FBXL17: variants seen among roughly 807,000 people sequenced by gnomAD.
The protein encoded by FBXL17 is F-box/LRR-repeat protein 17.
FBXL17 carries 22 observed loss-of-function variants against 66.2 expected under a neutral mutation model. The ratio of observed to expected loss-of-function variants is 0.33; its 90% confidence interval spans 0.24 to 0.47. The LOEUF is 0.47. FBXL17 is among the 20% of genes least tolerant of loss of function. The pLI is 1.00. For synonymous variants in FBXL17, 474 were observed against 400.5 expected (o/e 1.18, Z -2.19); for missense variants, 878 against 948.2 (o/e 0.93, Z 0.97).
intron 8 of FBXL17, among the ~76,000 whole-genome samples, chr5:107,876,852 C>A (rs915222728): frequency 3.4e-4 from 52 of 152,130 alleles, no homozygotes; most frequent in African/African-American, 1.2e-3. Flanking sequence ...CGACCAAAGC[C>A]GCTGTTTATA....
intron 7 of FBXL17, among the ~76,000 whole-genome samples, chr5:107,986,628 G>C (rs17160804): frequency 0.088 from 13,380 of 151,600 alleles, 948 homozygotes; most frequent in Admixed American, 0.21. Context: ...ACTTAAAATT[G>C]TAAGGTTAAA....
Position 107,880,597 on chromosome 5 carries a change from T to A in FBXL17, c.1965+440A>T, listed in dbSNP as rs934212714. ...GTCCCGAATGGCCAGAATACATAGA[T>A]GTTCAGTACCAAAATTACACACTTG... On this transcript the variant is annotated intron_variant, in intron 8 of 8. Coordinates refer to ENST00000542267, the MANE Select transcript of FBXL17 (RefSeq NM_001163315.3). 6.7e-5 allele frequency: 72 copies of A among 1,069,828 alleles called. No individual in the cohort carries two copies. In the African/African-American group the frequency reaches 1.1e-3, roughly 16 times the overall value. The allele number at this position is 1,069,828 out of a possible 1,614,324, so 66.3% of individuals were successfully genotyped here.
intron 6 of FBXL17, among the ~76,000 whole-genome samples, chr5:108,172,023 A>G (rs1447571009): frequency 2.6e-5 from 4 of 152,218 alleles, no homozygotes; most frequent in Non-Finnish European, 5.9e-5. Flanking sequence ...GGCCCCAGCC[A>G]CATGGAACTG....
intron 6 of FBXL17, among the ~76,000 whole-genome samples, chr5:108,111,099 C>A (rs1230209771): frequency 1.3e-5 from 2 of 152,056 alleles, no homozygotes; most frequent in South Asian, 2.1e-4. Flanking sequence ...ATTCAGCAAT[C>A]ACATTTCTCA....
chr5:108,217,977 T>C (rs1754680361), intron 5 of FBXL17, among the ~76,000 whole-genome samples: 1 of 151,938 alleles, frequency 6.6e-6, no homozygotes, highest in East Asian at 1.9e-4. Flanking sequence ...CTGAATAGTA[T>C]TCCATTGTGT....
intron 6 of FBXL17, among the ~76,000 whole-genome samples, chr5:108,149,777 G>T (rs1402785300): frequency 6.6e-6 from 1 of 152,084 alleles, no homozygotes; most frequent in Non-Finnish European, 1.5e-5. Flanking sequence ...TTCTCTCTCT[G>T]TGTTTTCTTA....
chr5:108,104,872 G>A (rs1005736040), intron 6 of FBXL17, among the ~76,000 whole-genome samples: 6 of 151,958 alleles, frequency 3.9e-5, no homozygotes, highest in Non-Finnish European at 8.8e-5. Context: ...ATGGAGTCTC[G>A]CTCTGTTGCC....
intron 4 of FBXL17, among the ~76,000 whole-genome samples, chr5:108,300,906 GA>G (rs1341470885): frequency 1.3e-5 from 2 of 151,436 alleles, no homozygotes; most frequent in African/African-American, 4.8e-5. Context: ...GAATATTAAA[GA>G]ATATGTCTGT....
intron 6 of FBXL17, among the ~76,000 whole-genome samples, chr5:108,055,993 C>T (rs1174344584): frequency 1.3e-5 from 2 of 152,192 alleles, no homozygotes; most frequent in Non-Finnish European, 1.5e-5. Context: ...TACCTTCCTG[C>T]CACTGGCTTT....
intron 6 of FBXL17, among the ~76,000 whole-genome samples, chr5:108,073,214 C>T (rs950856656): frequency 5.3e-5 from 8 of 152,022 alleles, no homozygotes; most frequent in African/African-American, 9.7e-5. Context: ...GGATAAAAAT[C>T]GGAAAAACAA....
chr5:107,984,467 C>G (rs911820603), intron 7 of FBXL17, among the ~76,000 whole-genome samples: 1 of 152,076 alleles, frequency 6.6e-6, no homozygotes, highest in African/African-American at 2.4e-5. Context: ...GGATCTAGTT[C>G]CAGGGTATAG....
intron 7 of FBXL17, among the ~76,000 whole-genome samples, chr5:108,000,647 T>C (rs558099447): frequency 6.6e-6 from 1 of 152,216 alleles, no homozygotes; most frequent in African/African-American, 2.4e-5. Flanking sequence ...CAACTTTCTA[T>C]TAAGATAGAT....
At position 108,251,317 on chromosome 5, in the gene FBXL17, T is replaced by C. The variant is rs371223277; in HGVS notation, c.1507-27089A>G. ...CAATGAGGTTTTTGCTTGGAGTTCT[T>C]TCATTATTAATAAGGGTGTAAACCT... is the stretch of plus-strand genomic sequence containing the variant. On this transcript the variant is annotated intron_variant, in intron 4 of 8. Transcript: ENST00000542267. Among the ~76,000 whole-genome samples, 35 of 152,188 alleles carry C rather than the reference T, an allele frequency of 2.3e-4. No homozygotes were observed. In the South Asian group the frequency reaches 7.0e-3, roughly 31 times the overall value.
chr5:107,968,939 CA>C (rs888124217), intron 7 of FBXL17, among the ~76,000 whole-genome samples: 2 of 151,862 alleles, frequency 1.3e-5, no homozygotes, highest in African/African-American at 2.4e-5. Context: ...GATGACCCCC[CA>C]AAAAAACCCA....
intron 7 of FBXL17, among the ~76,000 whole-genome samples, chr5:107,885,213 T>C (rs536303838): frequency 1.4e-4 from 22 of 152,306 alleles, no homozygotes; most frequent in East Asian, 9.6e-4. Flanking sequence ...ATGTGCTAAG[T>C]GCAACTAATG....
At chr5:108,180,019 G>C (rs917041250) in intron 6 of FBXL17, among the ~76,000 whole-genome samples, 8 of 152,034 alleles carry the variant, frequency 5.3e-5, no homozygotes, top group African/African-American at 1.9e-4. Context: ...TGCGGGCCTA[G>C]TATTCTTGGG....
intron 4 of FBXL17, among the ~76,000 whole-genome samples, chr5:108,228,984 C>T (rs74567632): frequency 1.3e-5 from 2 of 152,298 alleles, no homozygotes; most frequent in East Asian, 3.9e-4. Flanking sequence ...GCAGGAGATT[C>T]TAATGAACAA....
At chr5:108,279,551 A>AG (rs1226126007) in intron 4 of FBXL17, among the ~76,000 whole-genome samples, 4 of 151,696 alleles carry the variant, frequency 2.6e-5, no homozygotes, top group Non-Finnish European at 5.9e-5. Context: ...TCACATCTTC[A>AG]GGAAAAAAAA....
At chr5:108,144,091 G>A (rs1049432422) in intron 6 of FBXL17, among the ~76,000 whole-genome samples, 1 of 152,070 alleles carries the variant, frequency 6.6e-6, no homozygotes, top group Admixed American at 6.6e-5. Context: ...TGGAAACTTT[G>A]GTTCCATAAT....
Sources: allele counts gnomAD v4.1 joint callset (sites outside exome capture counted in the v4.1 genomes callset), GRCh38; gene constraint gnomAD v4.1.1; transcripts MANE v1.5; gene names NCBI Gene and HGNC (gene_info 2026-07-23, HGNC 2026-07-21).